RMDN2: variants seen among roughly 807,000 people sequenced by gnomAD.
RMDN2 encodes regulator of microtubule dynamics protein 2.
RMDN2 carries 61 observed loss-of-function variants against 52.8 expected under a neutral mutation model. The observed-to-expected ratio is 1.16, with a 90% CI of 0.94 to 1.43. The LOEUF (loss-of-function observed/expected upper bound fraction) is 1.43, where lower values mean the gene tolerates loss of function less well. Among genes scored for constraint, RMDN2 ranks in the 40% most tolerant of loss-of-function variants. The pLI is 0.00. For missense variants in RMDN2, 592 were observed against 475.3 expected (o/e 1.25, Z -2.28); for synonymous variants, 180 against 153.1 (o/e 1.18, Z -1.30).
chr2:38,046,897 C>T (rs1046270960), intron 10 of RMDN2, among the ~76,000 whole-genome samples: 3 of 151,348 alleles, frequency 2.0e-5, no homozygotes, highest in African/African-American at 7.3e-5. Flanking sequence ...GCAGAAGAAT[C>T]GCTTGAACCC....
At chr2:37,957,145 G>T (rs866797504) in intron 2 of RMDN2, among the ~76,000 whole-genome samples, 1 of 152,156 alleles carries the variant, frequency 6.6e-6, no homozygotes, top group African/African-American at 2.4e-5. Context: ...ATAGTAGAAT[G>T]ATTTATAATC....
At chr2:37,940,756 T>G (rs1346593269) in intron 2 of RMDN2, among the ~76,000 whole-genome samples, 1 of 152,190 alleles carries the variant, frequency 6.6e-6, no homozygotes. Flanking sequence ...ATTTATGTTC[T>G]TCTCTAAACT....
intron 7 of RMDN2, 97 bp from the exon 8 acceptor site, chr2:37,997,319 C>G: frequency 1.3e-6 from 1 of 775,818 alleles, no homozygotes; most frequent in Non-Finnish European, 2.3e-6. Context: ...CACACACACA[C>G]GTATATACAC....
rs781017185 is a variant in RMDN2, at chr2:37,951,720, A to G, written c.452+21991A>G. 2 of 1,612,774 alleles carry G rather than the reference A, an allele frequency of 1.2e-6. No homozygotes were observed. Among genetic ancestry groups the G allele is most frequent in the Admixed American group, 1.7e-5 (1 of 59,668 alleles). On this transcript the variant is annotated intron_variant, in intron 2 of 10. Transcript: ENST00000354545. ...AATCTTTTCTAAAACTTCAAGTAAT[A>G]CTGATGCTAAAAAACATATAACCAT... is the stretch of plus-strand genomic sequence containing the variant.
chr2:38,027,655 A>G (rs561353216), intron 10 of RMDN2, among the ~76,000 whole-genome samples: 1 of 152,294 alleles, frequency 6.6e-6, no homozygotes, highest in Non-Finnish European at 1.5e-5. Context: ...TTATTTGTCC[A>G]TTTTTCAATA....
chr2:38,028,778 G>T (rs336046), intron 10 of RMDN2, among the ~76,000 whole-genome samples: 96,504 of 151,992 alleles, frequency 0.63, 31,881 homozygotes, highest in East Asian at 0.88. Context: ...CACTGTGGGC[G>T]CTGAGCAGGG....
chr2:38,011,409 A>G (rs1558549911), intron 10 of RMDN2, among the ~76,000 whole-genome samples: 1 of 152,092 alleles, frequency 6.6e-6, no homozygotes, highest in Non-Finnish European at 1.5e-5. Context: ...ATAGGTATAT[A>G]TTTTCCTCCT....
chr2:37,982,101 C>T (rs1405087464), intron 5 of RMDN2, among the ~76,000 whole-genome samples: 1 of 152,262 alleles, frequency 6.6e-6, no homozygotes, highest in African/African-American at 2.4e-5. Flanking sequence ...ATCCACCCTT[C>T]TTTGCGGTTA....
Position 38,011,620 on chromosome 2 carries a change from A to G in RMDN2, c.1180-5566A>G, listed in dbSNP as rs570604711. On this transcript the variant is annotated intron_variant, in intron 10 of 10. Transcript: ENST00000354545. ...GAAGGGAATATATGATGTGTGTCCAAATAACTATAGCTCGAAGCAGAAAGC... is the reference window on the plus strand; with the variant it reads ...GAAGGGAATATATGATGTGTGTCCAGATAACTATAGCTCGAAGCAGAAAGC... Among the ~76,000 whole-genome samples the G allele has an allele frequency of 2.6e-5, 4 of 152,300 alleles. No individual in the cohort carries two copies. In the South Asian group the frequency reaches 8.3e-4, roughly 32 times the overall value.
intron 10 of RMDN2, among the ~76,000 whole-genome samples, chr2:38,059,879 TG>T: frequency 6.6e-6 from 1 of 151,960 alleles, no homozygotes; most frequent in South Asian, 2.1e-4. Flanking sequence ...TTGTTGTCGT[TG>T]GTTTTTTTTG....
In RMDN2 at chr2:38,010,564, G is replaced by T. The variant is rs147437308; in HGVS notation, c.1179+6348G>T. Among the ~76,000 whole-genome samples the T allele has an allele frequency of 4.6e-3, 694 of 152,278 alleles. 2 individuals are homozygous for T. The highest frequency in any genetic ancestry group is 0.016 in the African/African-American group (646 of 41,534). The stretch of plus-strand genomic sequence containing the variant: ...CACTTGCTAAGACCATTGGAAAAGC[G>T]CAGTATTAGGGTGGGAGTGACCCGA... On this transcript the variant is annotated intron_variant, in intron 10 of 10. Transcript: ENST00000354545.
In RMDN2 at chr2:37,975,458, C is replaced by T. The variant is rs139170245; in HGVS notation, c.730+144C>T. The T allele has an allele frequency of 1.5e-3, 772 of 529,336 alleles. 12 individuals carry two copies. In the East Asian group the frequency reaches 0.022, roughly 15 times the overall value. 32.8% of individuals were successfully genotyped at this position (529,336 alleles called of 1,614,324 possible). On this transcript the variant is annotated intron_variant, in intron 4 of 10. Transcript: ENST00000354545. ...CATTCTCAGCAAACTAACACAAGAA[C>T]AGAAAACCAAACACTGCATGTTCTC...
intron 10 of RMDN2, among the ~76,000 whole-genome samples, chr2:38,010,170 G>A (rs1233674211): frequency 6.6e-6 from 1 of 152,220 alleles, no homozygotes; most frequent in Non-Finnish European, 1.5e-5. Flanking sequence ...GGACCCACTT[G>A]AGGAGGCAGT....
At position 37,929,419 on chromosome 2, in the gene RMDN2, A is replaced by G. The variant is rs1357017713; in HGVS notation, c.142A>G (p.Thr48Ala). 2 of 1,551,638 alleles carry G rather than the reference A, an allele frequency of 1.3e-6. No homozygotes were observed. The highest frequency in any genetic ancestry group is 2.0e-5 in the Admixed American group (1 of 51,004). ...KLPEFLSLGN[T>A]FNSITLQDEI... ...ACCTGAATTTCTTTCTCTGGGTAAT[A>G]CATTTAATTCAATAACTTTGCAAGA... The change falls in exon 2 of 11, where the codon ACA (threonine) becomes GCA (alanine). Residue 48 changes from threonine (T) to alanine (A), a missense_variant. Transcript: ENST00000354545.
intron 2 of RMDN2, among the ~76,000 whole-genome samples, chr2:37,933,096 A>G (rs1245817501): frequency 6.9e-6 from 1 of 145,238 alleles, no homozygotes; most frequent in Non-Finnish European, 1.5e-5. Flanking sequence ...CTCACTTCTC[A>G]GGGCGGCTGG....
chr2:37,925,165 A>G (rs972666706), upstream of RMDN2, among the ~76,000 whole-genome samples: 3 of 151,994 alleles, frequency 2.0e-5, no homozygotes, highest in African/African-American at 7.3e-5. Context: ...GCGACGTGCA[A>G]TTTTATTTTG....
chr2:37,972,672 C>T (rs1218953262), intron 2 of RMDN2, among the ~76,000 whole-genome samples: 1 of 152,124 alleles, frequency 6.6e-6, no homozygotes, highest in Admixed American at 6.6e-5. Context: ...GATAAGGGGT[C>T]ATTGCAGTAA....
intron 2 of RMDN2, among the ~76,000 whole-genome samples, chr2:37,956,570 C>G (rs560178680): frequency 6.6e-6 from 1 of 151,980 alleles, no homozygotes; most frequent in South Asian, 2.1e-4. Context: ...CTCTCTTCTG[C>G]TAGCTTTGGG....
At chr2:38,002,027 G>C (rs564113268) in intron 8 of RMDN2, among the ~76,000 whole-genome samples, 41 of 152,230 alleles carry the variant, frequency 2.7e-4, no homozygotes, top group African/African-American at 9.4e-4. Context: ...TAACCTACCT[G>C]GTCTTAAAGA....
Sources: gnomAD v4.1 joint callset for allele counts (sites outside exome capture counted in the v4.1 genomes callset) on GRCh38, gnomAD v4.1.1 for gene constraint, MANE v1.5 for transcripts, NCBI Gene and HGNC (gene_info 2026-07-23, HGNC 2026-07-21) for gene names.